Variants in VAC14 observed in about 807,000 individuals in gnomAD.
VAC14 encodes the protein protein VAC14 homolog.
A neutral mutation model predicts 85.3 loss-of-function variants in VAC14; 47 were observed. The ratio of observed to expected loss-of-function variants is 0.55; its 90% CI spans 0.44 to 0.70. The LOEUF (loss-of-function observed/expected upper bound fraction) is 0.70. Ranked by LOEUF, VAC14 falls within the 30% of genes least tolerant of loss-of-function variation. VAC14 has a pLI of 0.00. For missense variants in VAC14, 861 were observed against 1,004.3 expected (o/e 0.86, Z 1.93); for synonymous variants, 447 against 430.5 (o/e 1.04, Z -0.47).
rs927970696 is a variant in VAC14 at position 70,698,753 on chromosome 16, G to C, written c.1720C>G (p.Leu574Val). The C allele has an allele frequency of 8.7e-6, 14 of 1,614,094 alleles. No individual in the cohort carries two copies. Among genetic ancestry groups the C allele is most frequent in the African/African-American group, 1.3e-5 (1 of 74,944 alleles). The change falls in exon 15 of 19, where the codon CTG (leucine) becomes GTG (valine). Residue 574 changes from leucine to valine, a missense_variant. Leu to Val is a conservative substitution (Grantham distance 32, BLOSUM62 1). Around this residue, in one of 3 missense-constraint regions of VAC14, gnomAD observed 69 missense variants for 139.0 expected, o/e 0.50. Transcript: ENST00000261776. Reference sequence around the variant, plus strand: ...GCGAACTTGAGGTCCTCCTCCCGCAGCAGGATGTCTGCCATTGAGTGGAAG... The same window carrying C: ...GCGAACTTGAGGTCCTCCTCCCGCACCAGGATGTCTGCCATTGAGTGGAAG... ...NIFHSMADIL[L>V]REEDLKFAST...
Position 70,692,942 on chromosome 16 carries a change from T to C in VAC14, c.2065A>G (p.Asn689Asp). 1 of 1,611,330 alleles carries C rather than the reference T, an allele frequency of 6.2e-7. No individual in the cohort carries two copies. The highest frequency in any genetic ancestry group is 8.5e-7 in the Non-Finnish European group (1 of 1,179,514). ...YLRLQLLDVK[N>D]NPYLIKALYG... ...AGGGCCTTGATCAGGTAGGGGTTGT[T>C]CTTCACGTCCAGCAGCTGCAGGCGC... The change falls in exon 18 of 19, where the codon AAC (asparagine) becomes GAC (aspartate). Residue 689 changes from asparagine to aspartate, a missense_variant. By Grantham distance (23) the Asn-to-Asp change is conservative (BLOSUM62 1). Around this residue, in one of 3 missense-constraint regions of VAC14, gnomAD observed 163 missense variants for 162.2 expected, o/e 1.00. Coordinates refer to ENST00000261776, the MANE Select transcript of VAC14 (RefSeq NM_018052.5).
chr16:70,688,944 T>A (rs566787201), intron 18 of VAC14: 1 of 985,514 alleles, frequency 1.0e-6, no homozygotes, highest in Non-Finnish European at 1.2e-6. Context: ...CTAGGAAGTA[T>A]CTGTTTCCAG....
chr16:70,770,950 C>T (rs946141563), intron 10 of VAC14: 4 of 152,180 alleles, frequency 2.6e-5, no homozygotes, highest in Non-Finnish European at 5.9e-5. Context: ...GGGAAGAACC[C>T]TAGCTAGGGG....
At chr16:70,754,764 G>A (rs932803028) in intron 12 of VAC14, among the ~76,000 whole-genome samples, 4 of 152,190 alleles carry the variant, frequency 2.6e-5, no homozygotes, top group Admixed American at 6.5e-5. Context: ...CTTACTGCGT[G>A]ATCTGATTTT....
At chr16:70,708,223 C>G (rs2053959958) in intron 14 of VAC14, among the ~76,000 whole-genome samples, 1 of 152,240 alleles carries the variant, frequency 6.6e-6, no homozygotes. Context: ...TAGTTCCCAC[C>G]AATTTCCTTC....
chr16:70,758,551 C>A (rs1313711180), intron 12 of VAC14, among the ~76,000 whole-genome samples: 1 of 152,204 alleles, frequency 6.6e-6, no homozygotes, highest in Non-Finnish European at 1.5e-5. Context: ...ACCTGAGGTC[C>A]CACCATCGGG....
intron 13 of VAC14, 53 bp from the exon 14 acceptor site, chr16:70,731,680 T>C: frequency 2.7e-6 from 4 of 1,507,926 alleles, no homozygotes; most frequent in South Asian, 1.3e-5. Context: ...GTCCACAGGG[T>C]GATGAGATCC....
At chr16:70,783,365 G>T in intron 6 of VAC14, 80 bp downstream of exon 6, 1 of 1,420,904 alleles carries the variant, frequency 7.0e-7, no homozygotes, top group Non-Finnish European at 9.9e-7. Flanking sequence ...TCCTGCCGCG[G>T]CCTCTCTGTG....
At chr16:70,723,246 A>G (rs2054340072) in intron 14 of VAC14, among the ~76,000 whole-genome samples, 1 of 150,986 alleles carries the variant, frequency 6.6e-6, no homozygotes, top group African/African-American at 2.4e-5. Context: ...AAGATTTACC[A>G]AGTGCAAGAA....
Position 70,772,112 on chromosome 16 carries a change from G to A in VAC14, c.1157C>T (p.Ala386Val). ...FSSGISVFTA[A>V]STERAPVTLH... ...CTGGCTGAAACAAGCCACTTACCTG[G>A]CTGCAGTGAAGACACTGATGCCGCT... Residue 386 changes from alanine to valine, a missense_variant, in exon 10 of 19, where the codon GCC becomes GTC. By Grantham distance (64) the Ala-to-Val change is moderately conservative. Transcript: ENST00000261776. 1 of 1,613,962 alleles carries A rather than the reference G, an allele frequency of 6.2e-7. No homozygotes were observed. The highest frequency in any genetic ancestry group is 2.2e-5 in the East Asian group (1 of 44,882).
At chr16:70,763,531 C>T (rs944287211) in intron 10 of VAC14, among the ~76,000 whole-genome samples, 14 of 152,214 alleles carry the variant, frequency 9.2e-5, no homozygotes, top group Non-Finnish European at 2.1e-4. Context: ...GGCCCTTCAC[C>T]GGCCATCTGA....
At chr16:70,715,893 C>T (rs978696295) in intron 14 of VAC14, 2 of 152,212 alleles carry the variant, frequency 1.3e-5, no homozygotes, top group African/African-American at 4.8e-5. Flanking sequence ...AAATCCCACC[C>T]CCTTGTTTTT....
At chr16:70,688,187 G>A (rs2053534507) in intron 18 of VAC14, 97 bp from the exon 19 acceptor site, 1 of 1,365,580 alleles carries the variant, frequency 7.3e-7, no homozygotes, top group Non-Finnish European at 9.5e-7. Context: ...CCACAGGCTG[G>A]TGGGCTCGGC....
chr16:70,691,711 C>A, intron 18 of VAC14: 1 of 985,450 alleles, frequency 1.0e-6, no homozygotes, highest in Non-Finnish European at 1.2e-6. Flanking sequence ...TGGGGCCACA[C>A]TTTCTAGGGG....
intron 1 of VAC14, among the ~76,000 whole-genome samples, chr16:70,787,323 G>A (rs1042320415): frequency 1.3e-4 from 20 of 152,188 alleles, no homozygotes; most frequent in Non-Finnish European, 2.6e-4. Flanking sequence ...AAATGGAAAA[G>A]CACTAATAGC....
intron 14 of VAC14, chr16:70,699,250 A>C: frequency 5.2e-6 from 1 of 193,548 alleles, no homozygotes; most frequent in Non-Finnish European, 1.1e-5. Context: ...TTCTCCACAC[A>C]TCGGTCACCT....
At chr16:70,793,298 T>C (rs2034414659) in intron 1 of VAC14, among the ~76,000 whole-genome samples, 1 of 152,218 alleles carries the variant, frequency 6.6e-6, no homozygotes, top group African/African-American at 2.4e-5. Flanking sequence ...GAGTACTTAC[T>C]ATTTGCCAGG....
intron 13 of VAC14, among the ~76,000 whole-genome samples, chr16:70,741,736 C>T (rs2030332103): frequency 1.3e-5 from 2 of 152,198 alleles, no homozygotes; most frequent in African/African-American, 2.4e-5. Flanking sequence ...TCTATGAATT[C>T]CGAGGGAGTC....
At position 70,744,556 on chromosome 16, in the gene VAC14, C is replaced by T. The variant is rs145571853; in HGVS notation, c.1395G>A (p.Val465=). 3.7e-6 allele frequency: 6 copies of T among 1,606,610 alleles called. No individual in the cohort carries two copies. In the African/African-American group the frequency reaches 8.0e-5, roughly 21 times the overall value. Residue 465 remains valine, a synonymous_variant, in exon 13 of 19, where the codon GTG becomes GTA. Coordinates refer to ENST00000261776, the MANE Select transcript of VAC14 (RefSeq NM_018052.5). ...SDEVILKDLE[V]LAEIASSPAG... is the part of the protein sequence containing the mutation. The stretch of plus-strand genomic sequence containing the variant: ...CGGGGGAGGAAGCGATTTCTGCCAG[C>T]ACCTCCAGGTCCTTCAGGATCACCT...
Sources: allele counts gnomAD v4.1 joint callset (sites outside exome capture counted in the v4.1 genomes callset), GRCh38; gene constraint gnomAD v4.1.1; regional missense constraint gnomAD v4.1.1; transcripts MANE v1.5; gene names NCBI Gene and HGNC (gene_info 2026-07-23, HGNC 2026-07-21).